The following NBAS variants were observed in gnomAD, a reference collection of about 807,000 sequenced individuals.
NBAS encodes the protein NBAS subunit of NRZ tethering complex, also known as NAG/BC035112 fusion.
A neutral mutation model predicts 302.5 loss-of-function variants in NBAS; 219 were observed. The ratio of observed to expected loss-of-function variants is 0.72; its 90% CI spans 0.65 to 0.81. The LOEUF (loss-of-function observed/expected upper bound fraction) is 0.81. Ranked by LOEUF, NBAS falls within the 30% of genes least tolerant of loss-of-function variation. The pLI, the probability that NBAS is intolerant of heterozygous loss-of-function variation, is 0.00. For synonymous variants in NBAS, 1,118 were observed against 1,021.6 expected (o/e 1.09, Z -1.80); for missense variants, 2,932 against 2,841.6 (o/e 1.03, Z -0.72).
the NBAS span, among the ~76,000 whole-genome samples, chr2:15,098,363 TATATA>T: frequency 7.7e-4 from 5 of 6,522 alleles, no homozygotes; most frequent in African/African-American, 1.3e-3. Context: ...TGATATATTG[TATATA>T]ATATATTATA....
the NBAS span, among the ~76,000 whole-genome samples, chr2:14,787,896 G>A: frequency 6.6e-6 from 1 of 152,244 alleles, no homozygotes; most frequent in African/African-American, 2.4e-5. Flanking sequence ...AAGTTCTCCT[G>A]GATAACATCC....
At chr2:15,239,766 A>G (rs930645670) in intron 44 of NBAS, among the ~76,000 whole-genome samples, 2 of 152,006 alleles carry the variant, frequency 1.3e-5, no homozygotes, top group African/African-American at 4.8e-5. Context: ...CTTCTTTCCA[A>G]AGATTCGAAA....
intron 9 of NBAS, among the ~76,000 whole-genome samples, chr2:15,523,523 A>G (rs1173325202): frequency 1.3e-5 from 2 of 152,184 alleles, no homozygotes; most frequent in Non-Finnish European, 2.9e-5. Flanking sequence ...ATACCACTTC[A>G]CATCAGGGAC....
intron 1 of NBAS, among the ~76,000 whole-genome samples, chr2:15,559,611 T>G (rs1664816273): frequency 6.6e-6 from 1 of 152,162 alleles, no homozygotes; most frequent in African/African-American, 2.4e-5. Context: ...AATTTGGCCC[T>G]GGGAAGAGAT....
intron 24 of NBAS, among the ~76,000 whole-genome samples, chr2:15,417,260 A>G (rs1470502297): frequency 1.3e-5 from 2 of 152,214 alleles, no homozygotes; most frequent in African/African-American, 4.8e-5. Context: ...ATCACTAGCT[A>G]GTTTAGAAAA....
chr2:15,125,132 A>T, the NBAS span, among the ~76,000 whole-genome samples: 1 of 152,230 alleles, frequency 6.6e-6, no homozygotes, highest in Non-Finnish European at 1.5e-5. Flanking sequence ...GCAAAGCCAC[A>T]GGATGGAGCC....
intron 51 of NBAS, among the ~76,000 whole-genome samples, chr2:15,167,528 GA>G (rs1416883386): frequency 7.2e-5 from 11 of 152,268 alleles, no homozygotes; most frequent in Admixed American, 6.5e-4. Context: ...GAAGACACAA[GA>G]ACCCCACTGC....
intron 6 of NBAS, among the ~76,000 whole-genome samples, chr2:15,545,513 T>C (rs1039461629): frequency 6.6e-6 from 1 of 152,094 alleles, no homozygotes; most frequent in African/African-American, 2.4e-5. Context: ...AGAAGGGTAA[T>C]AGGGAATATT....
At chr2:15,340,505 G>C (rs768819822) in intron 35 of NBAS, among the ~76,000 whole-genome samples, 2 of 152,156 alleles carry the variant, frequency 1.3e-5, no homozygotes, top group Non-Finnish European at 2.9e-5. Context: ...TATTGAGATT[G>C]GGTTGTCTAT....
intron 9 of NBAS, among the ~76,000 whole-genome samples, chr2:15,514,647 A>G (rs1222089889): frequency 1.3e-5 from 2 of 151,328 alleles, no homozygotes; most frequent in Non-Finnish European, 2.9e-5. Flanking sequence ...CAATATATAT[A>G]TTTGTATTAA....
the NBAS span, among the ~76,000 whole-genome samples, chr2:14,840,627 T>C: frequency 6.6e-6 from 1 of 151,990 alleles, no homozygotes; most frequent in South Asian, 2.1e-4. Context: ...AGATAATGTT[T>C]TCAAAGTGCC....
intron 40 of NBAS, among the ~76,000 whole-genome samples, chr2:15,305,583 T>C (rs1460163060): frequency 2.6e-5 from 4 of 151,644 alleles, no homozygotes; most frequent in African/African-American, 4.8e-5. Flanking sequence ...TCCCCAGTAG[T>C]TGGGATTACA....
the NBAS span, among the ~76,000 whole-genome samples, chr2:15,124,048 G>A: frequency 2.6e-5 from 4 of 152,180 alleles, no homozygotes; most frequent in African/African-American, 9.7e-5. Flanking sequence ...GTAGAGATAT[G>A]GACGGTGAAT....
At chr2:15,024,086 CA>C in the NBAS span, among the ~76,000 whole-genome samples, 2 of 151,872 alleles carry the variant, frequency 1.3e-5, no homozygotes, top group Non-Finnish European at 2.9e-5. Context: ...TCATAGTACC[CA>C]AGGGTTTTGT....
chr2:15,251,704 A>AG (rs1668372698), intron 44 of NBAS, among the ~76,000 whole-genome samples: 1 of 152,206 alleles, frequency 6.6e-6, no homozygotes, highest in Non-Finnish European at 1.5e-5. Context: ...GGAATGTAGC[A>AG]GTCAGGATGA....
At chr2:15,049,238 T>A in the NBAS span, among the ~76,000 whole-genome samples, 1 of 152,174 alleles carries the variant, frequency 6.6e-6, no homozygotes, top group African/African-American at 2.4e-5. Context: ...TGCCAAGAGC[T>A]CAGGTGGCAC....
At chr2:14,796,901 C>T in the NBAS span, among the ~76,000 whole-genome samples, 3 of 142,062 alleles carry the variant, frequency 2.1e-5, no homozygotes, top group African/African-American at 5.4e-5. Flanking sequence ...GGTGAAACCC[C>T]GTCTCTCCTA....
At chr2:15,425,884 C>T (rs774500320) in intron 22 of NBAS, among the ~76,000 whole-genome samples, 3 of 152,130 alleles carry the variant, frequency 2.0e-5, no homozygotes, top group African/African-American at 7.2e-5. Context: ...CTTTGCCCCT[C>T]GTCAGTCTGC....
At chr2:14,831,961 G>C in the NBAS span, among the ~76,000 whole-genome samples, 2 of 152,192 alleles carry the variant, frequency 1.3e-5, no homozygotes, top group African/African-American at 4.8e-5. Flanking sequence ...TAGCCAATCA[G>C]TCAATGACTC....
Sources: allele counts gnomAD v4.1 joint callset (sites outside exome capture counted in the v4.1 genomes callset), GRCh38; gene constraint gnomAD v4.1.1; transcripts MANE v1.5; gene names NCBI Gene and HGNC (gene_info 2026-07-23, HGNC 2026-07-21).